The following NF1 variants were observed in gnomAD, a reference collection of about 807,000 sequenced individuals.
NF1 encodes the protein neurofibromin.
Under a neutral mutation model 325.7 loss-of-function variants are expected in NF1, and 122 were observed. The observed-to-expected ratio is 0.37, with a 90% CI of 0.32 to 0.44. The LOEUF is 0.44. NF1 is among the 20% of genes least tolerant of loss of function. The pLI is 1.00. For synonymous variants in NF1, 1,091 were observed against 1,186.0 expected (o/e 0.92, Z 1.65); for missense variants, 2,140 against 3,415.4 (o/e 0.63, Z 9.31).
At chr17:31,107,426 G>A (rs1400726324) in intron 1 of NF1, among the ~76,000 whole-genome samples, 2 of 151,764 alleles carry the variant, frequency 1.3e-5, no homozygotes, top group African/African-American at 4.8e-5. Flanking sequence ...CACCATGCCG[G>A]GCTAGTTTTT....
chr17:31,286,138 A>G (rs1358223037), intron 36 of NF1, among the ~76,000 whole-genome samples: 1 of 152,226 alleles, frequency 6.6e-6, no homozygotes, highest in Non-Finnish European at 1.5e-5. Context: ...TCTGTTGCCC[A>G]GGCTGGAGTG....
At chr17:31,193,348 A>G (rs1391844120) in intron 8 of NF1, among the ~76,000 whole-genome samples, 1 of 152,094 alleles carries the variant, frequency 6.6e-6, no homozygotes, top group Non-Finnish European at 1.5e-5. Flanking sequence ...CCATTTTTTA[A>G]AAAAGAGACT....
chr17:31,316,492 A>G (rs1350647555), intron 36 of NF1, among the ~76,000 whole-genome samples: 1 of 152,170 alleles, frequency 6.6e-6, no homozygotes, highest in East Asian at 1.9e-4. Context: ...GTTGAATATG[A>G]AAGTAATTTC....
At chr17:31,325,741 A>G in intron 36 of NF1, 79 bp from the exon 37 acceptor site, 1 of 1,047,924 alleles carries the variant, frequency 9.5e-7, no homozygotes, top group South Asian at 1.3e-5. Flanking sequence ...TGAATCATAA[A>G]ATAAAATTGA....
intron 12 of NF1, among the ~76,000 whole-genome samples, chr17:31,209,628 T>C (rs1258570036): frequency 1.3e-5 from 2 of 152,182 alleles, no homozygotes; most frequent in African/African-American, 4.8e-5. Context: ...TTTTATTCTT[T>C]TAGCTCTCTC....
chr17:31,172,702 A>G (rs1469238846), intron 5 of NF1, among the ~76,000 whole-genome samples: 1 of 152,182 alleles, frequency 6.6e-6, no homozygotes, highest in African/African-American at 2.4e-5. Flanking sequence ...GCTCGTCTCT[A>G]GAACCTAGAT....
At chr17:31,294,402 A>G (rs533157328) in intron 36 of NF1, among the ~76,000 whole-genome samples, 3 of 152,358 alleles carry the variant, frequency 2.0e-5, no homozygotes, top group African/African-American at 7.2e-5. Flanking sequence ...TCTGTCAAGT[A>G]GCCAAGAGTT....
intron 39 of NF1, among the ~76,000 whole-genome samples, chr17:31,333,166 A>T (rs900389119): frequency 1.3e-5 from 2 of 152,188 alleles, no homozygotes; most frequent in Non-Finnish European, 2.9e-5. Flanking sequence ...TTTAAGATCC[A>T]TTCCTGGTGG....
intron 36 of NF1, among the ~76,000 whole-genome samples, chr17:31,309,086 T>C (rs951952600): frequency 6.6e-6 from 1 of 152,198 alleles, no homozygotes; most frequent in Non-Finnish European, 1.5e-5. Context: ...AAAGAGACAG[T>C]GTCAAATGAG....
At chr17:31,345,803 A>T in intron 48 of NF1, 2 of 1,614,148 alleles carry the variant, frequency 1.2e-6, no homozygotes, top group Non-Finnish European at 1.7e-6. Flanking sequence ...GGACATTAGG[A>T]CAAGCCGAAG....
At chr17:31,181,268 C>T (rs920755680) in intron 5 of NF1, among the ~76,000 whole-genome samples, 154 bp from the exon 6 acceptor site, 1 of 152,108 alleles carries the variant, frequency 6.6e-6, no homozygotes, top group Non-Finnish European at 1.5e-5. Context: ...AGACAACTAT[C>T]GAGTTTTGGG....
chr17:31,332,194 G>A lies in NF1; in HGVS notation c.5812+1696G>A, dbSNP rs17884400. ...TTAATATCCTTAATCGGCCAGACGC[G>A]GTGGCTCACGCCTGTAATCCCAGCA... On this transcript the variant is annotated intron_variant, in intron 39 of 57. Transcript: ENST00000358273. Among the ~76,000 whole-genome samples, 564 of 152,182 alleles carry A rather than the reference G, an allele frequency of 3.7e-3. 3 individuals are homozygous for A. Among genetic ancestry groups the A allele is most frequent in the Middle Eastern group, 0.01 (3 of 294 alleles).
intron 3 of NF1, 104 bp from the exon 4 acceptor site, chr17:31,163,082 G>A: frequency 1.0e-6 from 1 of 987,844 alleles, no homozygotes; most frequent in Non-Finnish European, 1.6e-6. Flanking sequence ...TGTATGTAAG[G>A]TGTTCATTAT....
chr17:31,366,066 C>G (rs951823707), intron 57 of NF1, among the ~76,000 whole-genome samples: 1 of 151,722 alleles, frequency 6.6e-6, no homozygotes, highest in African/African-American at 2.4e-5. Context: ...TGCTGAGTAG[C>G]TGGCACTACA....
intron 36 of NF1, among the ~76,000 whole-genome samples, chr17:31,291,283 A>G (rs948370995): frequency 1.3e-5 from 2 of 152,048 alleles, no homozygotes; most frequent in African/African-American, 4.8e-5. Context: ...GAATGGAGAG[A>G]CCTTAGTTTG....
intron 5 of NF1, among the ~76,000 whole-genome samples, chr17:31,172,210 C>G (rs565158493): frequency 6.6e-6 from 1 of 152,148 alleles, no homozygotes; most frequent in South Asian, 2.1e-4. Context: ...ACCTGTAGTC[C>G]CAGCTACTTG....
At chr17:31,158,075 C>T (rs1274339690) in intron 2 of NF1, among the ~76,000 whole-genome samples, 2 of 152,090 alleles carry the variant, frequency 1.3e-5, no homozygotes, top group East Asian at 3.9e-4. Context: ...TAACAAATCT[C>T]TACCCACCCC....
At chr17:31,118,076 T>G (rs1914108118) in intron 1 of NF1, among the ~76,000 whole-genome samples, 1 of 152,202 alleles carries the variant, frequency 6.6e-6, no homozygotes, top group Non-Finnish European at 1.5e-5. Flanking sequence ...TTAAACTAGG[T>G]TAAATGTGGT....
intron 1 of NF1, among the ~76,000 whole-genome samples, chr17:31,100,386 A>C (rs1432424598): frequency 1.3e-5 from 2 of 152,094 alleles, no homozygotes; most frequent in African/African-American, 2.4e-5. Context: ...CTGGTGTGTA[A>C]TTTTTATAAG....
Sources: allele counts gnomAD v4.1 joint callset (sites outside exome capture counted in the v4.1 genomes callset), GRCh38; gene constraint gnomAD v4.1.1; transcripts MANE v1.5; gene names NCBI Gene and HGNC (gene_info 2026-07-23, HGNC 2026-07-21).